ASB1: variants seen among roughly 807,000 people sequenced by gnomAD.
ASB1 encodes the protein ankyrin repeat and SOCS box protein 1.
Under a neutral mutation model 27.7 loss-of-function variants are expected in ASB1, and 18 were observed. The ratio of observed to expected loss-of-function variants is 0.65; its 90% CI spans 0.45 to 0.96. The LOEUF (loss-of-function observed/expected upper bound fraction) is 0.96. Among genes scored for constraint, ASB1 ranks in the 50% least tolerant of loss-of-function variants. The pLI is 0.00. For missense variants in ASB1, 397 were observed against 451.7 expected, an observed-to-expected ratio of 0.88 and a Z score of 1.10; for synonymous variants, 189 against 187.6, an observed-to-expected ratio of 1.01 and a Z score of -0.06.
chr2:238,446,052 G>C (rs1028191502), intron 4 of ASB1, among the ~76,000 whole-genome samples: 3 of 152,230 alleles, frequency 2.0e-5, no homozygotes, highest in African/African-American at 7.2e-5. Context: ...GCCCGCACCT[G>C]CTGGGGCCTT....
Position 238,426,997 on chromosome 2 carries a change from T to C in ASB1, c.-74T>C. 3 of 1,167,012 alleles carry C rather than the reference T, an allele frequency of 2.6e-6. No individual in the cohort carries two copies. Among genetic ancestry groups the C allele is most frequent in the Non-Finnish European group, 3.2e-6 (3 of 930,342 alleles). 72.3% of individuals were successfully genotyped at this position (1,167,012 alleles called of 1,614,324 possible). Reference sequence around the variant, plus strand: ...CCCCCATTGCCCTCGGCGCCGGAAGTGGTCGCGGGTCGTTCTGCTTCCTGC... The same window carrying C: ...CCCCCATTGCCCTCGGCGCCGGAAGCGGTCGCGGGTCGTTCTGCTTCCTGC... On this transcript the variant is annotated 5_prime_UTR_variant, in exon 1 of 5. Transcript: ENST00000264607.
Position 238,447,196 on chromosome 2 carries a change from G to C in ASB1, c.*685G>C, listed in dbSNP as rs958859787. 2.0e-5 allele frequency: 3 copies of C among 152,794 alleles called. No homozygotes were observed. Among genetic ancestry groups the C allele is most frequent in the African/African-American group, 7.2e-5 (3 of 41,418 alleles). 9.5% of individuals were successfully genotyped at this position (152,794 alleles called of 1,614,324 possible). On this transcript the variant is annotated 3_prime_UTR_variant, in exon 5 of 5. Transcript: ENST00000264607. ...TCACCTTAGGGAGCTTCCAGTGATT[G>C]ATTTTAGGAGGCCCACACCAAACTC... is the stretch of plus-strand genomic sequence containing the variant.
chr2:238,438,269 G>A (rs867603539), intron 3 of ASB1, among the ~76,000 whole-genome samples: 1 of 144,158 alleles, frequency 6.9e-6, no homozygotes, highest in Non-Finnish European at 1.5e-5. Context: ...GCGCTATCTC[G>A]GTTCACTGCA....
rs983335396 is a variant in ASB1, at chr2:238,449,697, C to T, written c.*3186C>T. On this transcript the variant is annotated 3_prime_UTR_variant, in exon 5 of 5. Transcript: ENST00000264607. ...TGTTCCAGAAAAGTGTTTAAGGCAA[C>T]AATGCTTGTTTTTTGGTGTTTTCTT... The T allele has an allele frequency of 3.3e-5, 5 of 152,186 alleles. No homozygotes were observed. The highest frequency in any genetic ancestry group is 2.0e-4 in the Admixed American group (3 of 15,288). The allele number at this position is 152,186 out of a possible 1,614,324, so 9.4% of individuals were successfully genotyped here.
chr2:238,450,249 G>A lies in ASB1; in HGVS notation c.*3738G>A, dbSNP rs1575011803. On this transcript the variant is annotated 3_prime_UTR_variant, in exon 5 of 5. Transcript: ENST00000264607. Reference sequence around the variant, plus strand: ...CACAGCATAGCACTGGGGACAGAGCGCTCTATGCAGGTGAGGCGTATGAGA... The same window carrying A: ...CACAGCATAGCACTGGGGACAGAGCACTCTATGCAGGTGAGGCGTATGAGA... 1 of 152,358 alleles carries A rather than the reference G, an allele frequency of 6.6e-6. No homozygotes were observed. The highest frequency in any genetic ancestry group is 1.9e-4 in the East Asian group (1 of 5,186). The allele number at this position is 152,358 out of a possible 1,614,324, so 9.4% of individuals were successfully genotyped here.
intron 2 of ASB1, 115 bp downstream of exon 2, chr2:238,433,810 C>A: frequency 1.6e-6 from 2 of 1,270,860 alleles, no homozygotes; most frequent in East Asian, 2.4e-5. Flanking sequence ...GAATGTGTTC[C>A]AGTTTTAGAG....
At chr2:238,427,318 C>T in intron 1 of ASB1, 199 bp downstream of exon 1, 1 of 383,660 alleles carries the variant, frequency 2.6e-6, no homozygotes, top group Non-Finnish European at 4.6e-6. Context: ...ACGCGCTGCC[C>T]TCTCCTCGGC....
At chr2:238,438,199 A>ATTTCCTTCATTTTTTTTTT (rs1702008388) in intron 3 of ASB1, among the ~76,000 whole-genome samples, 1 of 98,198 alleles carries the variant, frequency 1.0e-5, no homozygotes, top group Non-Finnish European at 1.9e-5. Context: ...GATGCCCTTC[A>ATTTCCTTCATTTTTTTTTT]TTTTTTTTTT....
intron 3 of ASB1, among the ~76,000 whole-genome samples, chr2:238,439,163 C>T (rs890976194): frequency 1.3e-5 from 2 of 152,164 alleles, no homozygotes; most frequent in Admixed American, 1.3e-4. Flanking sequence ...AATGAAATAT[C>T]AATTTCTTGT....
At chr2:238,442,343 C>T (rs1559415375) in intron 3 of ASB1, among the ~76,000 whole-genome samples, 1 of 152,038 alleles carries the variant, frequency 6.6e-6, no homozygotes, top group Non-Finnish European at 1.5e-5. Context: ...AACTCCTGAC[C>T]TCAGATGATC....
At chr2:238,433,741 G>T in intron 2 of ASB1, 46 bp downstream of exon 2, 1 of 1,606,306 alleles carries the variant, frequency 6.2e-7, no homozygotes, top group South Asian at 1.1e-5. Flanking sequence ...GGGCCCTGAA[G>T]GTCTGTGTGA....
At chr2:238,445,842 G>T (rs1702169449) in intron 4 of ASB1, among the ~76,000 whole-genome samples, 1 of 152,254 alleles carries the variant, frequency 6.6e-6, no homozygotes, top group Non-Finnish European at 1.5e-5. Flanking sequence ...TGTACTGATA[G>T]AAGCAGCAGC....
rs1413853989 is a variant in ASB1 at position 238,449,058 on chromosome 2, G to A, written c.*2547G>A. 1 of 152,214 alleles carries A rather than the reference G, an allele frequency of 6.6e-6. No homozygotes were observed. The highest frequency in any genetic ancestry group is 1.5e-5 in the Non-Finnish European group (1 of 68,044). The allele number at this position is 152,214 out of a possible 1,614,324, so 9.4% of individuals were successfully genotyped here. On this transcript the variant is annotated 3_prime_UTR_variant, in exon 5 of 5. Transcript: ENST00000264607. ...TTCAACTTCCTCTCTGTTCAAGCCA[G>A]CCTTTGCCAATTTTTTCAGAATCCA...
chr2:238,446,611 CTGT>C lies in ASB1; in HGVS notation c.*103_*105del. On this transcript the variant is annotated 3_prime_UTR_variant, in exon 5 of 5. Coordinates refer to ENST00000264607, the MANE Select transcript of ASB1 (RefSeq NM_001040445.3). ...TGTGCTGCTGCTGGTCTCCTGATGG[CTGT>C]TGCTGCAGAAGATGTCCTCGTAGAC... is the stretch of plus-strand genomic sequence containing the variant. 6.8e-7 allele frequency: 1 copy of C among 1,469,270 alleles called. No homozygotes were observed. The highest frequency in any genetic ancestry group is 1.1e-5 in the South Asian group (1 of 87,614). 91.0% of individuals were successfully genotyped at this position (1,469,270 alleles called of 1,614,324 possible). A position where few individuals can be genotyped will look rare whatever the true frequency, so the allele number is the denominator to read the frequency against.
At chr2:238,432,685 C>T (rs1452295327) in intron 1 of ASB1, among the ~76,000 whole-genome samples, 1 of 152,138 alleles carries the variant, frequency 6.6e-6, no homozygotes, top group East Asian at 1.9e-4. Context: ...AATACCAGTA[C>T]TAAGATATTT....
intron 2 of ASB1, among the ~76,000 whole-genome samples, chr2:238,434,932 G>A (rs1336267221): frequency 6.6e-6 from 1 of 152,240 alleles, no homozygotes; most frequent in African/African-American, 2.4e-5. Flanking sequence ...CAGAGCCTAG[G>A]CGCAGCTGGC....
Position 238,448,898 on chromosome 2 carries a change from T to G in ASB1, c.*2387T>G, listed in dbSNP as rs1702228531. The G allele has an allele frequency of 6.6e-6, 1 of 152,474 alleles. No homozygotes were observed. The highest frequency in any genetic ancestry group is 1.9e-4 in the East Asian group (1 of 5,186). 9.4% of individuals were successfully genotyped at this position (152,474 alleles called of 1,614,324 possible). A position where few individuals can be genotyped will look rare whatever the true frequency, so the allele number is the denominator to read the frequency against. On this transcript the variant is annotated 3_prime_UTR_variant, in exon 5 of 5. Coordinates refer to ENST00000264607, the MANE Select transcript of ASB1 (RefSeq NM_001040445.3). ...GTTGCAGAGAAGACTCACCCAGACC[T>G]GGCCAGGGAATGATGTATCTGGGGA...
chr2:238,444,402 CCG>C lies in ASB1; in HGVS notation c.556_557del (p.Arg186AlafsTer33). Reference protein sequence around the residue: ...LTPDVQPRFSRRLTSLVVCPL... With the variant: ...LTPDVQPRFSXRLTSLVVCPL... ...CTCCTGATGTCCAGCCTCGATTCTCCCGGCGGCTCACCTCCTTGGTGGTCTGC... is the reference window on the plus strand; with the variant it reads ...CTCCTGATGTCCAGCCTCGATTCTCCGCGGCTCACCTCCTTGGTGGTCTGC... On this transcript the variant is annotated frameshift_variant, in exon 4 of 5. Coordinates refer to ENST00000264607, the MANE Select transcript of ASB1 (RefSeq NM_001040445.3). LOFTEE classifies it high-confidence loss of function. The C allele has an allele frequency of 6.2e-7, 1 of 1,613,642 alleles. No individual in the cohort carries two copies. Among genetic ancestry groups the C allele is most frequent in the African/African-American group, 1.3e-5 (1 of 75,062 alleles).
chr2:238,433,836 G>C, intron 2 of ASB1, 141 bp downstream of exon 2: 1 of 999,468 alleles, frequency 1.0e-6, no homozygotes, highest in Non-Finnish European at 1.4e-6. Context: ...GGATAAAGGA[G>C]ACTGAGGCAG....
Sources: gnomAD v4.1 joint callset for allele counts (sites outside exome capture counted in the v4.1 genomes callset) on GRCh38, gnomAD v4.1.1 for gene constraint, MANE v1.5 for transcripts, NCBI Gene and HGNC (gene_info 2026-07-23, HGNC 2026-07-21) for gene names.